The following CCSER1 variants were observed in gnomAD, a reference collection of about 807,000 sequenced individuals.
The protein encoded by CCSER1 is serine-rich coiled-coil domain-containing protein 1.
In CCSER1, 41 loss-of-function variants were observed where a neutral mutation model predicts 82.0. That is an observed-to-expected ratio of 0.50 (90% CI 0.39 to 0.65). The LOEUF (loss-of-function observed/expected upper bound fraction) is 0.65. Ranked by LOEUF, CCSER1 falls within the 30% of genes least tolerant of loss-of-function variation. The pLI is 0.00. For synonymous variants in CCSER1, 414 were observed against 383.9 expected, an observed-to-expected ratio of 1.08 and a Z score of -0.92; for missense variants, 1,119 against 1,064.2, an observed-to-expected ratio of 1.05 and a Z score of -0.72.
chr4:91,086,080 A>G (rs1048826718), intron 10 of CCSER1, 86 bp downstream of exon 10: 60 of 797,190 alleles, frequency 7.5e-5, no homozygotes, highest in Non-Finnish European at 1.2e-4. Flanking sequence ...ATTGACGATA[A>G]TTACGTTGAT....
chr4:90,136,031 A>C (rs887056460), intron 1 of CCSER1, among the ~76,000 whole-genome samples: 4 of 152,184 alleles, frequency 2.6e-5, no homozygotes, highest in Non-Finnish European at 4.4e-5. Flanking sequence ...TAGTCACCTA[A>C]GTTCATGATG....
At chr4:90,929,785 A>T (rs1162589851) in intron 9 of CCSER1, among the ~76,000 whole-genome samples, 1 of 152,238 alleles carries the variant, frequency 6.6e-6, no homozygotes, top group Non-Finnish European at 1.5e-5. Flanking sequence ...TGAGTTGCAG[A>T]TGAAATAAAT....
chr4:91,326,567 C>T (rs1746577176), intron 10 of CCSER1, among the ~76,000 whole-genome samples: 2 of 152,114 alleles, frequency 1.3e-5, no homozygotes, highest in South Asian at 2.1e-4. Flanking sequence ...TTATTCTGCC[C>T]TTGGCCCCTC....
intron 1 of CCSER1, among the ~76,000 whole-genome samples, chr4:90,271,005 G>A (rs1373640809): frequency 1.3e-5 from 2 of 152,036 alleles, no homozygotes; most frequent in Non-Finnish European, 2.9e-5. Context: ...ACAAGAAAAT[G>A]GAAAGATATT....
At chr4:91,574,815 T>C (rs1763366044) in intron 10 of CCSER1, among the ~76,000 whole-genome samples, 1 of 151,976 alleles carries the variant, frequency 6.6e-6, no homozygotes, top group South Asian at 2.1e-4. Context: ...TATGGGATCA[T>C]TTGAATCCCA....
intron 6 of CCSER1, chr4:90,663,869 T>C (rs1403337410): frequency 2.7e-6 from 1 of 367,466 alleles, no homozygotes; most frequent in Admixed American, 2.7e-5. Context: ...GATGAGTGTT[T>C]CCAATTCTAC....
intron 5 of CCSER1, among the ~76,000 whole-genome samples, chr4:90,559,238 C>T (rs1225927091): frequency 1.3e-5 from 2 of 152,122 alleles, no homozygotes; most frequent in Non-Finnish European, 2.9e-5. Flanking sequence ...ATTAATTGCT[C>T]CCTACTTTTT....
chr4:91,450,843 A>T (rs1222467217), intron 10 of CCSER1, among the ~76,000 whole-genome samples: 1 of 152,026 alleles, frequency 6.6e-6, no homozygotes, highest in East Asian at 1.9e-4. Flanking sequence ...TGACACAATT[A>T]TCAGAGCTCA....
At position 90,388,740 on chromosome 4, in the gene CCSER1, A is replaced by G. The variant is rs111321807; in HGVS notation, c.1510-11296A>G. On this transcript the variant is annotated intron_variant, in intron 3 of 10. Transcript: ENST00000509176. Reference sequence around the variant, plus strand: ...AACCTCCATCTCCTCGGTTCAACGGATTCTCCTGTCTCAGCCTCCAAAGTA... The same window carrying G: ...AACCTCCATCTCCTCGGTTCAACGGGTTCTCCTGTCTCAGCCTCCAAAGTA... Among the ~76,000 whole-genome samples the G allele has an allele frequency of 8.1e-3, 1,228 of 152,042 alleles. 16 individuals carry two copies. Among genetic ancestry groups the G allele is most frequent in the African/African-American group, 0.027 (1,114 of 41,436 alleles).
intron 1 of CCSER1, among the ~76,000 whole-genome samples, chr4:90,166,262 G>A (rs940301063): frequency 6.6e-6 from 1 of 151,922 alleles, no homozygotes; most frequent in Non-Finnish European, 1.5e-5. Context: ...CTCTATGGAT[G>A]TTAGGTTAAA....
intron 9 of CCSER1, among the ~76,000 whole-genome samples, chr4:91,051,235 A>G (rs971691517): frequency 6.6e-6 from 1 of 152,204 alleles, no homozygotes; most frequent in Non-Finnish European, 1.5e-5. Flanking sequence ...CCCAATGCAA[A>G]TTATATCAAA....
intron 10 of CCSER1, among the ~76,000 whole-genome samples, chr4:91,206,403 A>G (rs1194731407): frequency 6.6e-6 from 1 of 151,920 alleles, no homozygotes; most frequent in Admixed American, 6.6e-5. Flanking sequence ...AAGCGAGGAA[A>G]ATGTTCTTTG....
At chr4:90,336,073 A>G (rs1481277991) in intron 3 of CCSER1, among the ~76,000 whole-genome samples, 1 of 152,214 alleles carries the variant, frequency 6.6e-6, no homozygotes, top group Non-Finnish European at 1.5e-5. Context: ...CATAAATCAC[A>G]TGTCTGAAAA....
chr4:90,397,889 T>C (rs79771791), intron 3 of CCSER1, among the ~76,000 whole-genome samples: 3,534 of 152,334 alleles, frequency 0.023, 144 homozygotes, highest in African/African-American at 0.081. Flanking sequence ...TTATGTGCTT[T>C]GCATTCATTT....
At chr4:91,018,635 T>A (rs1394840562) in intron 9 of CCSER1, among the ~76,000 whole-genome samples, 2 of 152,060 alleles carry the variant, frequency 1.3e-5, no homozygotes, top group Admixed American at 1.3e-4. Context: ...TTGGTTTTAT[T>A]TCTTGTGACG....
intron 10 of CCSER1, among the ~76,000 whole-genome samples, chr4:91,429,908 C>A (rs1261707474): frequency 1.3e-5 from 2 of 151,694 alleles, no homozygotes; most frequent in Non-Finnish European, 2.9e-5. Context: ...ATAAAACTAT[C>A]TATATTAAAC....
At chr4:90,622,094 G>T (rs1560828810) in intron 5 of CCSER1, among the ~76,000 whole-genome samples, 1 of 152,178 alleles carries the variant, frequency 6.6e-6, no homozygotes, top group Non-Finnish European at 1.5e-5. Flanking sequence ...GGAACATGAG[G>T]TGGAGTGTAG....
At chr4:91,385,546 G>T (rs1300747257) in intron 10 of CCSER1, among the ~76,000 whole-genome samples, 1 of 151,206 alleles carries the variant, frequency 6.6e-6, no homozygotes, top group African/African-American at 2.4e-5. Flanking sequence ...AATTTAAAGA[G>T]ATAGGAAGTA....
chr4:90,462,605 G>C (rs1451736670), intron 4 of CCSER1, among the ~76,000 whole-genome samples: 2 of 152,082 alleles, frequency 1.3e-5, no homozygotes, highest in African/African-American at 4.8e-5. Context: ...GTATGGTGGT[G>C]TATACCTGTA....
Sources: gnomAD v4.1 joint callset for allele counts (sites outside exome capture counted in the v4.1 genomes callset) on GRCh38, gnomAD v4.1.1 for gene constraint, MANE v1.5 for transcripts, NCBI Gene and HGNC (gene_info 2026-07-23, HGNC 2026-07-21) for gene names.